Variants in ENPP2 observed in about 807,000 individuals in gnomAD.
ENPP2 encodes the protein autotaxin.
ENPP2 carries 51 observed loss-of-function variants against 120.2 expected under a neutral mutation model. The observed-to-expected ratio is 0.42, with a 90% confidence interval of 0.34 to 0.54. ENPP2 has a LOEUF of 0.54. Ranked by LOEUF, ENPP2 falls within the 20% of genes least tolerant of loss-of-function variation. The pLI, the probability that ENPP2 is intolerant of heterozygous loss-of-function variation, is 0.04. For missense variants in ENPP2, 920 were observed against 1,066.5 expected (o/e 0.86, Z 1.91); for synonymous variants, 365 against 366.4 (o/e 1.00, Z 0.04).
chr8:119,569,474 C>G, intron 20 of ENPP2, 104 bp from the exon 21 acceptor site: 1 of 1,040,346 alleles, frequency 9.6e-7, no homozygotes, highest in Non-Finnish European at 1.3e-6. Flanking sequence ...GATTGATAGT[C>G]TGACTCCTTT....
At chr8:119,595,367 C>A (rs1022346385) in intron 11 of ENPP2, among the ~76,000 whole-genome samples, 1 of 152,178 alleles carries the variant, frequency 6.6e-6, no homozygotes, top group Non-Finnish European at 1.5e-5. Flanking sequence ...CCATTATTTT[C>A]TCTTTCTTTC....
In ENPP2 at chr8:119,582,539, C is replaced by A. The variant is rs148571805; in HGVS notation, c.1607G>T (p.Arg536Leu). 4 of 1,613,408 alleles carry A rather than the reference C, an allele frequency of 2.5e-6. No homozygotes were observed. Among genetic ancestry groups the A allele is most frequent in the Admixed American group, 1.7e-5 (1 of 60,002 alleles). The change falls in exon 18 of 25, where the codon CGC becomes CTC. Residue 536 changes from arginine to leucine, a missense_variant. Physicochemically the swap from Arg to Leu is moderately radical, Grantham distance 102. Transcript: ENST00000075322. Reference protein sequence around the residue: ...GTHGSLNHLLRTNTFRPTMPE... With the variant: ...GTHGSLNHLLLTNTFRPTMPE... ...CATGGTTGGCCTGAAGGTATTAGTG[C>A]GCAGGAGATGATTCAAACTTCCATG...
intron 8 of ENPP2, among the ~76,000 whole-genome samples, chr8:119,615,208 T>A (rs935305594): frequency 2.1e-4 from 32 of 152,082 alleles, no homozygotes; most frequent in Non-Finnish European, 1.8e-4. Flanking sequence ...CATGCCACGG[T>A]TGAGTGCACA....
intron 1 of ENPP2, among the ~76,000 whole-genome samples, chr8:119,647,732 C>T (rs1176081411): frequency 6.6e-6 from 1 of 152,148 alleles, no homozygotes; most frequent in Non-Finnish European, 1.5e-5. Context: ...TGGCCGGGCG[C>T]AGTGGCTCAC....
At chr8:119,579,564 A>ATT (rs34042284) in intron 19 of ENPP2, among the ~76,000 whole-genome samples, 9,401 of 148,498 alleles carry the variant, frequency 0.063, 857 homozygotes, top group African/African-American at 0.2. Context: ...CAAATCACTA[A>ATT]TTTTTTTTTT....
chr8:119,568,077 A>G (rs1205250812), intron 22 of ENPP2, 98 bp downstream of exon 22: 7 of 737,912 alleles, frequency 9.5e-6, no homozygotes, highest in Non-Finnish European at 1.7e-5. Flanking sequence ...CATGAAAAGT[A>G]TTCTTATTAA....
chr8:119,627,603 T>C (rs1479256458), intron 2 of ENPP2, among the ~76,000 whole-genome samples: 1 of 152,148 alleles, frequency 6.6e-6, no homozygotes, highest in Admixed American at 6.5e-5. Context: ...GCCTCATACC[T>C]GTAATCCCAG....
In ENPP2 at chr8:119,583,992, G is replaced by A. The variant is rs936128139; in HGVS notation, c.1425C>T (p.His475=). 12 of 1,613,496 alleles carry A rather than the reference G, an allele frequency of 7.4e-6. No homozygotes were observed. Among genetic ancestry groups the A allele is most frequent in the Middle Eastern group, 1.7e-4 (1 of 6,060 alleles). Residue 475 remains histidine, a synonymous_variant, in exon 16 of 25, where the codon CAC becomes CAT. Transcript: ENST00000075322. ...TGCTGTTGACCTTGTTATCAAATCC[G>A]TGGTCTCCCTGGAAAAAGCATTTTC... ...PSGKCFFQGD[H]GFDNKVNSMQ...
At chr8:119,667,004 C>T (rs758611605) in intron 1 of ENPP2, among the ~76,000 whole-genome samples, 14 of 151,848 alleles carry the variant, frequency 9.2e-5, no homozygotes, top group Admixed American at 5.3e-4. Context: ...TGTCAGGGGT[C>T]GAGGTAGGAA....
At chr8:119,577,555 G>A (rs1178130871) in intron 19 of ENPP2, among the ~76,000 whole-genome samples, 1 of 152,170 alleles carries the variant, frequency 6.6e-6, no homozygotes, top group Non-Finnish European at 1.5e-5. Flanking sequence ...AGAGCATTGA[G>A]GTTTATACAT....
chr8:119,596,104 A>G (rs1285990233), intron 11 of ENPP2: 4 of 1,102,658 alleles, frequency 3.6e-6, no homozygotes, highest in Non-Finnish European at 3.9e-6. Context: ...GAGTCTCAGA[A>G]TAACTAAGGC....
chr8:119,654,151 GTATC>G lies in ENPP2; in HGVS notation c.22-15628_22-15625del, dbSNP rs1448228605. Among the ~76,000 whole-genome samples, 3 of 140,672 alleles carry G rather than the reference GTATC, an allele frequency of 2.1e-5. No homozygotes were observed. The East Asian group carries it at 6.0e-4, about 28-fold the overall frequency. 92.3% of individuals were successfully genotyped at this position (140,672 alleles called of 152,430 possible). On this transcript the variant is annotated intron_variant, in intron 1 of 25. Coordinates refer to the ENPP2 transcript ENST00000427067. ...TTATATACAGAGATATAATATATAA[GTATC>G]TATATATAATATTAGGTATTCTATA...
chr8:119,634,865 A>T (rs918764936), intron 2 of ENPP2, among the ~76,000 whole-genome samples: 1 of 152,346 alleles, frequency 6.6e-6, no homozygotes, highest in South Asian at 2.1e-4. Context: ...CAGTTTTCAG[A>T]TAGATGAAAA....
rs59289320 is a variant in ENPP2 at position 119,627,865 on chromosome 8, A to AATATATAT, written c.137-1153_137-1146dup. Among the ~76,000 whole-genome samples, 377 of 143,538 alleles carry AATATATAT rather than the reference A, an allele frequency of 2.6e-3. 1 individual carries two copies. The highest frequency in any genetic ancestry group is 8.6e-3 in the African/African-American group (338 of 39,338). 94.2% of individuals were successfully genotyped at this position (143,538 alleles called of 152,430 possible). The stretch of plus-strand genomic sequence containing the variant: ...TAACAGAGTGAAACTCCGTCTTAAA[A>AATATATAT]ATATATATATATATATATATATATG... On this transcript the variant is annotated intron_variant, in intron 2 of 24. Coordinates refer to ENST00000075322, the MANE Select transcript of ENPP2 (RefSeq NM_001040092.3).
At chr8:119,612,996 A>T (rs115895362) in intron 8 of ENPP2, among the ~76,000 whole-genome samples, 2,291 of 152,342 alleles carry the variant, frequency 0.015, 39 homozygotes, top group African/African-American at 0.043. Context: ...ATGGGGTATT[A>T]AACTTGTTTC....
chr8:119,577,702 C>G (rs1250380378), intron 19 of ENPP2, among the ~76,000 whole-genome samples: 3 of 152,158 alleles, frequency 2.0e-5, no homozygotes, highest in African/African-American at 7.2e-5. Flanking sequence ...AGATTCCCCC[C>G]TAATATTTTA....
At chr8:119,603,983 C>T (rs1007257490) in intron 9 of ENPP2, among the ~76,000 whole-genome samples, 1 of 149,668 alleles carries the variant, frequency 6.7e-6, no homozygotes, top group Non-Finnish European at 1.5e-5. Flanking sequence ...CCTCTCTAGG[C>T]CTTAGTGTTC....
intron 14 of ENPP2, among the ~76,000 whole-genome samples, chr8:119,586,514 A>T: frequency 6.6e-6 from 1 of 152,228 alleles, no homozygotes; most frequent in East Asian, 1.9e-4. Context: ...AGATGATATG[A>T]CAGGCTATCT....
At chr8:119,592,072 TGA>T (rs1273753240) in intron 12 of ENPP2, among the ~76,000 whole-genome samples, 1 of 152,174 alleles carries the variant, frequency 6.6e-6, no homozygotes, top group Non-Finnish European at 1.5e-5. Flanking sequence ...ACCTGACAGA[TGA>T]GGAAACTGAG....
Sources: allele counts gnomAD v4.1 joint callset (sites outside exome capture counted in the v4.1 genomes callset), GRCh38; gene constraint gnomAD v4.1.1; transcripts MANE v1.5; gene names NCBI Gene and HGNC (gene_info 2026-07-23, HGNC 2026-07-21).